The following CUX1 variants were observed in gnomAD, a reference collection of about 807,000 sequenced individuals.
CUX1 encodes protein CASP.
A neutral mutation model predicts 158.8 loss-of-function variants in CUX1; 31 were observed. The observed-to-expected ratio is 0.20, with a 90% CI of 0.15 to 0.26. The LOEUF (loss-of-function observed/expected upper bound fraction) is 0.26. Ranked by LOEUF, CUX1 falls within the 10% of genes least tolerant of loss-of-function variation. CUX1 has a pLI of 1.00. For missense variants in CUX1, 1,589 were observed against 2,014.6 expected (o/e 0.79, Z 4.04); for synonymous variants, 879 against 862.1 (o/e 1.02, Z -0.34).
intron 3 of CUX1, among the ~76,000 whole-genome samples, chr7:102,043,782 T>G (rs559162023): frequency 9.6e-4 from 146 of 152,176 alleles, no homozygotes; most frequent in Admixed American, 2.0e-3. Flanking sequence ...CCGTACTGTT[T>G]CCCATAATGG....
chr7:102,275,995 G>C (rs1400199169), intron 17 of CUX1, among the ~76,000 whole-genome samples: 2 of 142,878 alleles, frequency 1.4e-5, no homozygotes, highest in Non-Finnish European at 3.0e-5. Context: ...CTGTGTGACA[G>C]AGCAAGACTC....
chr7:102,029,177 G>C lies in CUX1; in HGVS notation c.189+1032G>C, dbSNP rs1401684587. ...CCAGCTAATTTCTCTATTTTTAGTA[G>C]AGATGCAGTTTCACCATGTTGGCCA... On this transcript the variant is annotated intron_variant, in intron 3 of 23. Coordinates refer to ENST00000292535, the MANE Select transcript of CUX1 (RefSeq NM_181552.4). Among the ~76,000 whole-genome samples, 7 of 152,168 alleles carry C rather than the reference G, an allele frequency of 4.6e-5. No individual in the cohort carries two copies. In the East Asian group the frequency reaches 1.4e-3, roughly 29 times the overall value.
intron 2 of CUX1, among the ~76,000 whole-genome samples, chr7:102,002,895 T>C (rs1032991790): frequency 5.9e-5 from 9 of 151,964 alleles, no homozygotes; most frequent in Admixed American, 2.0e-4. Context: ...GAGAGACTCT[T>C]TTTATTTTTA....
At chr7:101,946,874 T>C (rs1273081918) in intron 2 of CUX1, among the ~76,000 whole-genome samples, 1 of 152,002 alleles carries the variant, frequency 6.6e-6, no homozygotes, top group African/African-American at 2.4e-5. Flanking sequence ...CAGGGGACAA[T>C]GTTAAGTGAG....
chr7:101,931,901 T>C (rs1806335946), intron 2 of CUX1, among the ~76,000 whole-genome samples: 1 of 152,250 alleles, frequency 6.6e-6, no homozygotes, highest in African/African-American at 2.4e-5. Flanking sequence ...TGGAATCTCA[T>C]TAAATTTGTA....
At chr7:102,006,093 A>C in intron 2 of CUX1, among the ~76,000 whole-genome samples, 1 of 152,192 alleles carries the variant, frequency 6.6e-6, no homozygotes, top group Non-Finnish European at 1.5e-5. Flanking sequence ...GCAGGACCCC[A>C]GTGGGGCTGC....
chr7:102,215,518 C>T (rs782553617), intron 20 of CUX1, among the ~76,000 whole-genome samples: 5 of 152,084 alleles, frequency 3.3e-5, no homozygotes, highest in Admixed American at 6.5e-5. Flanking sequence ...AGCACCGAAG[C>T]GGGAAGATGA....
chr7:102,163,346 A>T (rs916768680), intron 9 of CUX1, among the ~76,000 whole-genome samples: 50 of 149,016 alleles, frequency 3.4e-4, no homozygotes, highest in Non-Finnish European at 5.7e-4. Context: ...AAAAAAAAAA[A>T]TAGCCAGGTG....
At chr7:102,214,390 G>A (rs1237217859) in intron 20 of CUX1, among the ~76,000 whole-genome samples, 2 of 152,174 alleles carry the variant, frequency 1.3e-5, no homozygotes, top group Non-Finnish European at 2.9e-5. Context: ...CGAGCATGGT[G>A]GTGTGCGCCT....
At chr7:101,977,564 C>T (rs1305249686) in intron 2 of CUX1, among the ~76,000 whole-genome samples, 1 of 152,056 alleles carries the variant, frequency 6.6e-6, no homozygotes, top group Non-Finnish European at 1.5e-5. Flanking sequence ...ATGGTTTGAG[C>T]CCAAGAGATC....
At position 102,264,477 on chromosome 7, in the gene CUX1, C is replaced by T. The variant is rs909708951; in HGVS notation, c.1256-8889C>T. Among the ~76,000 whole-genome samples the T allele has an allele frequency of 2.6e-5, 4 of 152,112 alleles. 1 individual carries two copies. Among genetic ancestry groups the T allele is most frequent in the African/African-American group, 4.8e-5 (2 of 41,428 alleles). On this transcript the variant is annotated intron_variant, in intron 14 of 22. Transcript: ENST00000292538. ...CGTGACCAGGAGGAAGAGTGGGAGG[C>T]GATGAGGTCAGAGAGACCAAGGAGA...
intron 14 of CUX1, among the ~76,000 whole-genome samples, chr7:102,267,396 T>C (rs1790888276): frequency 6.6e-6 from 1 of 151,846 alleles, no homozygotes; most frequent in African/African-American, 2.4e-5. Context: ...TAGCCAGGCA[T>C]GGTGGTGCAT....
rs868938236 is a variant in CUX1 at position 102,268,333 on chromosome 7, A to G, written c.1256-5033A>G. ...ATCGGGCTGTGCCTTGCAGCCCTGCATGCCCCCACCACCTCGACGACAACA... is the reference window on the plus strand; with the variant it reads ...ATCGGGCTGTGCCTTGCAGCCCTGCGTGCCCCCACCACCTCGACGACAACA... On this transcript the variant is annotated intron_variant, in intron 14 of 22. Coordinates refer to the CUX1 transcript ENST00000292538. 2.0e-5 allele frequency among the ~76,000 whole-genome samples: 3 copies of G among 152,048 alleles called. No individual in the cohort carries two copies. The East Asian group carries it at 5.8e-4, about 29-fold the overall frequency.
At chr7:102,131,681 T>TA (rs1833254684) in intron 8 of CUX1, among the ~76,000 whole-genome samples, 1 of 150,628 alleles carries the variant, frequency 6.6e-6, no homozygotes, top group African/African-American at 2.4e-5. Context: ...TTTATTTATT[T>TA]TTTTTTTTTG....
chr7:102,190,474 T>TC (rs112206011), intron 12 of CUX1, among the ~76,000 whole-genome samples: 1 of 151,950 alleles, frequency 6.6e-6, no homozygotes. Context: ...TCTTTACCTG[T>TC]CCCCCCACAT....
intron 1 of CUX1, among the ~76,000 whole-genome samples, chr7:101,906,714 T>C (rs985939309): frequency 2.6e-5 from 4 of 152,206 alleles, no homozygotes; most frequent in Non-Finnish European, 4.4e-5. Context: ...TCCTAGCAGC[T>C]GCCGTATCTC....
At chr7:102,101,967 A>G (rs1489212066) in intron 5 of CUX1, among the ~76,000 whole-genome samples, 1 of 151,622 alleles carries the variant, frequency 6.6e-6, no homozygotes, top group African/African-American at 2.4e-5. Flanking sequence ...AGTGTAGACC[A>G]TTGACGTAGC....
At chr7:101,836,239 C>G (rs961496628) in intron 1 of CUX1, among the ~76,000 whole-genome samples, 1 of 152,192 alleles carries the variant, frequency 6.6e-6, no homozygotes, top group African/African-American at 2.4e-5. Context: ...TTCCATCTCT[C>G]TCTCTTCTGC....
At chr7:101,851,880 G>T (rs1291525715) in intron 1 of CUX1, among the ~76,000 whole-genome samples, 1 of 150,112 alleles carries the variant, frequency 6.7e-6, no homozygotes, top group Non-Finnish European at 1.5e-5. Flanking sequence ...CCAGGCCAGA[G>T]TGTGGTGGCA....
Sources: gnomAD v4.1 joint callset for allele counts (sites outside exome capture counted in the v4.1 genomes callset) on GRCh38, gnomAD v4.1.1 for gene constraint, MANE v1.5 for transcripts, NCBI Gene and HGNC (gene_info 2026-07-23, HGNC 2026-07-21) for gene names.